The following ZNF717 variants were observed in gnomAD, a reference collection of about 807,000 sequenced individuals.
ZNF717 encodes the protein zinc finger protein 717.
Under a neutral mutation model 13.8 loss-of-function variants are expected in ZNF717, and 9 were observed. That is an observed-to-expected ratio of 0.65 (90% CI 0.39 to 1.14). The LOEUF (loss-of-function observed/expected upper bound fraction) is 1.14, where lower values mean the gene tolerates loss of function less well. Ranked by LOEUF, ZNF717 falls within the 50% of genes most tolerant of loss-of-function variation. ZNF717 has a pLI of 0.01. For missense variants in ZNF717, 1,040 were observed against 1,080.7 expected (o/e 0.96, Z 0.53); for synonymous variants, 327 against 364.1 (o/e 0.90, Z 1.16).
At chr3:75,784,474 GT>G (rs1199287018) in intron 1 of ZNF717, among the ~76,000 whole-genome samples, 9 of 152,160 alleles carry the variant, frequency 5.9e-5, no homozygotes, top group African/African-American at 1.7e-4. Context: ...GCTAAATTTG[GT>G]GATGGACTAG....
chr3:75,753,436 C>T (rs796948540), intron 2 of ZNF717, among the ~76,000 whole-genome samples: 15 of 137,972 alleles, frequency 1.1e-4, no homozygotes, highest in Admixed American at 3.6e-4. Context: ...AACACTGCTA[C>T]GAGGGTCTGA....
chr3:75,696,618 C>A (rs1179999488), intron 6 of ZNF717, among the ~76,000 whole-genome samples: 2 of 151,856 alleles, frequency 1.3e-5, no homozygotes, highest in African/African-American at 2.4e-5. Flanking sequence ...AGGGACCAGG[C>A]ACAATGGCTC....
intron 2 of ZNF717, among the ~76,000 whole-genome samples, chr3:75,780,350 T>C (rs1402461089): frequency 6.6e-6 from 1 of 152,248 alleles, no homozygotes; most frequent in Non-Finnish European, 1.5e-5. Context: ...ACAGTAGTGC[T>C]AAGGCCCTAC....
intron 2 of ZNF717, among the ~76,000 whole-genome samples, chr3:75,780,114 A>C (rs1245830471): frequency 6.6e-6 from 1 of 151,768 alleles, no homozygotes; most frequent in African/African-American, 2.4e-5. Flanking sequence ...CCAGAAACCC[A>C]AAACAATGGG....
chr3:75,708,477 C>T (rs1179602222), downstream of ZNF717, among the ~76,000 whole-genome samples: 3 of 152,002 alleles, frequency 2.0e-5, no homozygotes, highest in East Asian at 1.9e-4. Flanking sequence ...ACGTCACCAC[C>T]ATCAAAGACC....
At chr3:75,742,537 T>C (rs1258443259) in intron 2 of ZNF717, among the ~76,000 whole-genome samples, 2 of 102,214 alleles carry the variant, frequency 2.0e-5, no homozygotes, top group Non-Finnish European at 3.9e-5. Context: ...TGTTTGGCTC[T>C]TCCACATGAA....
chr3:75,730,803 T>G (rs1938486429), intron 5 of ZNF717, among the ~76,000 whole-genome samples: 1 of 152,232 alleles, frequency 6.6e-6, no homozygotes, highest in South Asian at 2.1e-4. Context: ...TTTCACAAAT[T>G]AAGAAAAGCT....
At chr3:75,701,269 G>T (rs1937690143) in intron 6 of ZNF717, among the ~76,000 whole-genome samples, 1 of 152,312 alleles carries the variant, frequency 6.6e-6, no homozygotes, top group South Asian at 2.1e-4. Context: ...GCTCTCGTCT[G>T]GTGTCATATA....
downstream of ZNF717, among the ~76,000 whole-genome samples, chr3:75,708,770 T>C (rs1392457391): frequency 2.0e-5 from 3 of 152,130 alleles, no homozygotes; most frequent in Non-Finnish European, 2.9e-5. Flanking sequence ...GAGAAGAGCA[T>C]TGCTGTAAAG....
Position 75,741,738 on chromosome 3 carries a change from T to G in ZNF717, c.58-2A>C, listed in dbSNP as rs1367506084. The G allele has an allele frequency of 1.3e-6, 2 of 1,574,850 alleles. No homozygotes were observed. Among genetic ancestry groups the G allele is most frequent in the Non-Finnish European group, 1.7e-6 (2 of 1,161,914 alleles). ...TACCTCCTCAAAGGACACCAACTCC[T>G]GTAATGATACCAGGCTGTTGTAGGT... On this transcript the variant is annotated splice_acceptor_variant, in intron 2 of 4. Coordinates refer to ENST00000652011, the MANE Select transcript of ZNF717 (RefSeq NM_001290208.3). LOFTEE classifies it high-confidence loss of function.
intron 2 of ZNF717, among the ~76,000 whole-genome samples, chr3:75,751,661 A>G (rs796671331): frequency 1.4e-5 from 2 of 147,154 alleles, no homozygotes; most frequent in Non-Finnish European, 3.0e-5. Context: ...TGTCCCTCAC[A>G]TAGGATTTCA....
chr3:75,738,313 C>G lies in ZNF717; in HGVS notation c.1310G>C (p.Arg437Thr), dbSNP rs74861398. 1.2e-4 allele frequency: 182 copies of G among 1,543,056 alleles called. No homozygotes were observed. The African/African-American group carries it at 2.2e-3, about 19-fold the overall frequency. Residue 437 changes from arginine (R) to threonine (T), a missense_variant, in exon 5 of 5, where the codon AGG (arginine) becomes ACG (threonine). By Grantham distance (71) the Arg-to-Thr change is moderately conservative. This residue lies in a region of ZNF717 where 873 missense variants were observed against 832.8 expected (regional missense o/e 1.05). Coordinates refer to ENST00000652011, the MANE Select transcript of ZNF717 (RefSeq NM_001290208.3). ...HCEEAFSHKS[R>T]LTVHQRTHTG... is the part of the protein sequence containing the mutation. The stretch of plus-strand genomic sequence containing the variant: ...GTGTGTTCTCTGATGGACAGTAAGC[C>G]TTGACTTATGGCTAAATGCTTCTTC...
chr3:75,719,738 C>A (rs1174787157), intron 4 of ZNF717, among the ~76,000 whole-genome samples: 1 of 151,996 alleles, frequency 6.6e-6, no homozygotes, highest in African/African-American at 2.4e-5. Context: ...AGGTGGATCG[C>A]CTGAAGTCAG....
At chr3:75,714,009 C>T (rs1937998219) in intron 5 of ZNF717, among the ~76,000 whole-genome samples, 1 of 152,106 alleles carries the variant, frequency 6.6e-6, no homozygotes, top group Admixed American at 6.5e-5. Context: ...ATTATTTCTG[C>T]ATATCAGAGA....
downstream of ZNF717, among the ~76,000 whole-genome samples, chr3:75,709,210 G>A (rs1481942882): frequency 2.0e-5 from 3 of 152,008 alleles, no homozygotes; most frequent in Admixed American, 6.6e-5. Context: ...ATGTTGGCCA[G>A]GCTGGTCTCA....
At chr3:75,719,686 G>A (rs1362610179) in intron 4 of ZNF717, among the ~76,000 whole-genome samples, 6 of 152,162 alleles carry the variant, frequency 3.9e-5, no homozygotes, top group Admixed American at 2.0e-4. Flanking sequence ...GCCAGATGCA[G>A]TGGCTCATGC....
intron 2 of ZNF717, among the ~76,000 whole-genome samples, chr3:75,770,269 A>T (rs1943785816): frequency 1.3e-5 from 2 of 152,238 alleles, no homozygotes; most frequent in Admixed American, 1.3e-4. Flanking sequence ...TGAAATGAAA[A>T]CAAGAAGCAG....
downstream of ZNF717, among the ~76,000 whole-genome samples, chr3:75,705,541 G>A (rs1368659551): frequency 6.6e-6 from 1 of 152,310 alleles, no homozygotes; most frequent in Non-Finnish European, 1.5e-5. Flanking sequence ...CAGTTCTGGT[G>A]AGGTGTGCAA....
chr3:75,711,034 T>C (rs1937927023), exon 6 of ZNF717: 1 of 152,234 alleles, frequency 6.6e-6, no homozygotes, highest in Admixed American at 6.5e-5. Context: ...TCATTCACTG[T>C]CAGGCTGGAA....
Sources: gnomAD v4.1 joint callset for allele counts (sites outside exome capture counted in the v4.1 genomes callset) on GRCh38, gnomAD v4.1.1 for gene constraint, gnomAD v4.1.1 regional missense constraint, MANE v1.5 for transcripts, NCBI Gene and HGNC (gene_info 2026-07-23, HGNC 2026-07-21) for gene names.